The following PTCHD4 variants were observed in gnomAD, a reference collection of about 807,000 sequenced individuals.
The protein encoded by PTCHD4 is patched domain-containing protein 4.
In PTCHD4, 33 loss-of-function variants were observed where a neutral mutation model predicts 58.1. The observed-to-expected ratio is 0.57, with a 90% confidence interval of 0.43 to 0.76. PTCHD4 has a LOEUF of 0.76. PTCHD4 is among the 30% of genes least tolerant of loss of function. The probability of loss-of-function intolerance (pLI) is 0.00; values close to 1 mark genes in which losing one functional copy is unlikely to be tolerated. For synonymous variants in PTCHD4, 478 were observed against 409.6 expected (o/e 1.17, Z -2.02); for missense variants, 1,058 against 1,027.1 (o/e 1.03, Z -0.41).
chr6:48,103,737 A>T (rs1765658519), intron 1 of PTCHD4, among the ~76,000 whole-genome samples: 1 of 152,212 alleles, frequency 6.6e-6, no homozygotes, highest in African/African-American at 2.4e-5. Flanking sequence ...TAGAATAAGC[A>T]ATGCAGAGAA....
chr6:47,969,210 A>G (rs991843044), intron 4 of PTCHD4, among the ~76,000 whole-genome samples: 1 of 152,222 alleles, frequency 6.6e-6, no homozygotes, highest in African/African-American at 2.4e-5. Context: ...CGTAAACTTC[A>G]GGATTTCAGC....
chr6:48,007,284 C>T (rs559247307), intron 4 of PTCHD4, among the ~76,000 whole-genome samples: 8 of 152,100 alleles, frequency 5.3e-5, no homozygotes, highest in South Asian at 4.1e-4. Flanking sequence ...AACAACTTAA[C>T]ATGGCCACAA....
At chr6:47,890,789 C>T in intron 4 of PTCHD4, 1 of 511,846 alleles carries the variant, frequency 2.0e-6, no homozygotes, top group Non-Finnish European at 2.5e-6. Flanking sequence ...AGATGAAGCA[C>T]CACTGCAGAG....
intron 4 of PTCHD4, among the ~76,000 whole-genome samples, chr6:47,995,763 T>C (rs1005414078): frequency 2.9e-4 from 44 of 152,144 alleles, no homozygotes; most frequent in African/African-American, 1.1e-3. Context: ...GGAGAGAAAG[T>C]TAAGGTGTTA....
chr6:47,924,987 ATG>A (rs1482152279), intron 4 of PTCHD4, among the ~76,000 whole-genome samples: 3 of 149,634 alleles, frequency 2.0e-5, no homozygotes, highest in African/African-American at 7.3e-5. Context: ...TTTTATATAT[ATG>A]TATATGCTTT....
intron 4 of PTCHD4, among the ~76,000 whole-genome samples, chr6:48,002,320 T>C (rs1768760795): frequency 1.3e-5 from 2 of 152,174 alleles, no homozygotes; most frequent in Non-Finnish European, 2.9e-5. Flanking sequence ...ACATGTTTAT[T>C]GTGGCACTAT....
chr6:48,022,809 A>G (rs1457281801), intron 3 of PTCHD4, among the ~76,000 whole-genome samples: 1 of 152,156 alleles, frequency 6.6e-6, no homozygotes, highest in Non-Finnish European at 1.5e-5. Context: ...AAATTAACTC[A>G]AAAGCAAAGT....
At chr6:48,076,572 A>T (rs563206734) in intron 1 of PTCHD4, among the ~76,000 whole-genome samples, 37 of 152,354 alleles carry the variant, frequency 2.4e-4, no homozygotes, top group South Asian at 1.7e-3. Flanking sequence ...AGAATGGATG[A>T]TGTATTAGCA....
chr6:47,865,486 T>A lies in PTCHD4; in HGVS notation c.*12817A>T, dbSNP rs1763538952. Among the ~76,000 whole-genome samples the A allele has an allele frequency of 6.6e-6, 1 of 151,894 alleles. No homozygotes were observed. The highest frequency in any genetic ancestry group is 1.5e-5 in the Non-Finnish European group (1 of 67,888). On this transcript the variant is annotated 3_prime_UTR_variant, in exon 5 of 5. Transcript: ENST00000339488. ...ACATTAGAGTATTGTAGTAAATAGA[T>A]CACACAGAGCTAATAACTAGTTACT...
intron 1 of PTCHD4, among the ~76,000 whole-genome samples, chr6:48,106,918 G>A (rs867272356): frequency 8.6e-5 from 13 of 151,578 alleles, no homozygotes; most frequent in Non-Finnish European, 5.9e-5. Context: ...TCTTCAAGGG[G>A]AACTACAAAC....
At chr6:48,078,051 A>T (rs1444107024) in intron 1 of PTCHD4, among the ~76,000 whole-genome samples, 1 of 152,234 alleles carries the variant, frequency 6.6e-6, no homozygotes, top group African/African-American at 2.4e-5. Flanking sequence ...GAAAAAAAAC[A>T]CAATATCTGC....
At chr6:47,931,067 G>A (rs1218048554) in intron 4 of PTCHD4, among the ~76,000 whole-genome samples, 1 of 152,228 alleles carries the variant, frequency 6.6e-6, no homozygotes, top group African/African-American at 2.4e-5. Flanking sequence ...TTACAGGCGT[G>A]AGCCACCGCA....
chr6:48,036,527 C>A (rs1763642180), intron 3 of PTCHD4, among the ~76,000 whole-genome samples: 1 of 152,110 alleles, frequency 6.6e-6, no homozygotes, highest in Non-Finnish European at 1.5e-5. Context: ...TCCCTTTGTC[C>A]AGAGAAACCA....
At chr6:47,931,493 G>A (rs1765820175) in intron 4 of PTCHD4, among the ~76,000 whole-genome samples, 1 of 152,156 alleles carries the variant, frequency 6.6e-6, no homozygotes, top group South Asian at 2.1e-4. Flanking sequence ...TTAAATGCAT[G>A]AATAAAGGAG....
chr6:48,085,667 C>T lies in PTCHD4; in HGVS notation c.-969-15741G>A, dbSNP rs560758349. On this transcript the variant is annotated intron_variant, in intron 1 of 4. Coordinates refer to ENST00000339488, the MANE Select transcript of PTCHD4 (RefSeq NM_001384253.1). ...TGCTGCAATCACTCATGATTTTATA[C>T]TACAACATCAGCAAAAGGATTTCCT... Among the ~76,000 whole-genome samples the T allele has an allele frequency of 2.4e-4, 36 of 152,320 alleles. No individual in the cohort carries two copies. The South Asian group carries it at 7.0e-3, about 30-fold the overall frequency.
At chr6:47,945,962 A>G (rs1480468853) in intron 4 of PTCHD4, among the ~76,000 whole-genome samples, 2 of 151,868 alleles carry the variant, frequency 1.3e-5, no homozygotes, top group Non-Finnish European at 2.9e-5. Flanking sequence ...TTAAAAATTT[A>G]ATTATAAATT....
chr6:48,106,105 G>A (rs949932442), intron 1 of PTCHD4, among the ~76,000 whole-genome samples: 1 of 152,094 alleles, frequency 6.6e-6, no homozygotes, highest in Non-Finnish European at 1.5e-5. Context: ...ATTTTATGAG[G>A]CCAGCATCAT....
At chr6:47,925,092 G>GACATTTTATATATACATATGTAT (rs1765560734) in intron 4 of PTCHD4, among the ~76,000 whole-genome samples, 4 of 149,478 alleles carry the variant, frequency 2.7e-5, no homozygotes, top group African/African-American at 9.8e-5. Flanking sequence ...CTTACAACCA[G>GACATTTTATATATACATATGTAT]ACATTTTATA....
At chr6:48,051,776 T>A (rs1273054007) in intron 3 of PTCHD4, among the ~76,000 whole-genome samples, 1 of 151,982 alleles carries the variant, frequency 6.6e-6, no homozygotes, top group Non-Finnish European at 1.5e-5. Context: ...AAAGAAAACA[T>A]TTATTACCAA....
Sources: gnomAD v4.1 joint callset for allele counts (sites outside exome capture counted in the v4.1 genomes callset) on GRCh38, gnomAD v4.1.1 for gene constraint, MANE v1.5 for transcripts, NCBI Gene and HGNC (gene_info 2026-07-23, HGNC 2026-07-21) for gene names.